Variants in PKD2L2 observed in about 807,000 individuals in gnomAD.
PKD2L2 encodes polycystin 2 like 2, transient receptor potential cation channel, also known as polycystin-2-like protein 2.
A neutral mutation model predicts 83.9 loss-of-function variants in PKD2L2; 67 were observed. The ratio of observed to expected loss-of-function variants is 0.80; its 90% CI spans 0.66 to 0.98. The LOEUF (loss-of-function observed/expected upper bound fraction) is 0.98. Among genes scored for constraint, PKD2L2 ranks in the 50% least tolerant of loss-of-function variants. The pLI is 0.00. For synonymous variants in PKD2L2, 223 were observed against 237.8 expected (o/e 0.94, Z 0.57); for missense variants, 632 against 717.2 (o/e 0.88, Z 1.36).
chr5:137,921,582 T>G (rs201818315), intron 8 of PKD2L2, 54 bp from the exon 9 acceptor site: 57 of 1,122,290 alleles, frequency 5.1e-5, no homozygotes, highest in Admixed American at 6.1e-5. Flanking sequence ...CTCCCATCAG[T>G]TGTCATGTAT....
intron 14 of PKD2L2, chr5:137,940,199 T>C: frequency 6.2e-7 from 1 of 1,613,912 alleles, no homozygotes; most frequent in Admixed American, 1.7e-5. Context: ...ACTGACTTTA[T>C]GATATGAATT....
intron 8 of PKD2L2, among the ~76,000 whole-genome samples, chr5:137,918,706 T>C (rs1324943996): frequency 3.9e-5 from 6 of 152,212 alleles, no homozygotes; most frequent in African/African-American, 1.4e-4. Context: ...AGCCTTTCCC[T>C]GGAAGTTGCA....
chr5:137,910,249 TA>T (rs34025103), intron 8 of PKD2L2, among the ~76,000 whole-genome samples: 1 of 136,674 alleles, frequency 7.3e-6, no homozygotes, highest in Non-Finnish European at 1.6e-5. Context: ...ATAATAATAA[TA>T]ATAATAATAA....
chr5:137,922,159 T>C (rs6891280), intron 9 of PKD2L2, among the ~76,000 whole-genome samples: 35,028 of 152,184 alleles, frequency 0.23, 4,236 homozygotes, highest in African/African-American at 0.29. Flanking sequence ...ATCTCTCACA[T>C]GCACTCAGAA....
intron 1 of PKD2L2, chr5:137,890,115 TCTACTA>T (rs1755821827): frequency 5.9e-6 from 1 of 168,656 alleles, no homozygotes; most frequent in Non-Finnish European, 1.3e-5. Context: ...AAACCCCATC[TCTACTA>T]AAAATACGAA....
chr5:137,889,657 G>T (rs973454581), intron 1 of PKD2L2, 135 bp downstream of exon 1: 1 of 703,498 alleles, frequency 1.4e-6, no homozygotes, highest in East Asian at 3.4e-5. Context: ...AGCCTCCCCT[G>T]GGGAAGCGGA....
At position 137,942,362 on chromosome 5, in the gene PKD2L2, ATTTG is replaced by A. The variant is rs1561724278; in HGVS notation, c.*18-14_*18-11del. On this transcript the variant is annotated intron_variant, in intron 14 of 14. Transcript: ENST00000508883. Reference sequence around the variant, plus strand: ...TGTTATAAATCAACTGTAGGATTTTATTTGTTTGTTTCCTTTTTTAGAGACAGAG... The same window carrying A: ...TGTTATAAATCAACTGTAGGATTTTATTTGTTTCCTTTTTTAGAGACAGAG... The A allele has an allele frequency of 2.4e-5, 7 of 288,072 alleles. No homozygotes were observed. In the East Asian group the frequency reaches 3.4e-4, roughly 14 times the overall value. The allele number at this position is 288,072 out of a possible 1,614,324, so 17.8% of individuals were successfully genotyped here.
rs111846240 is a variant in PKD2L2, at chr5:137,891,003, T to C, written c.133+421T>C. ...TCTTGGTGTCTGCCATTAGCTTGGT[T>C]CTTTTCACTGACCTATTGCAGTTAA... On this transcript the variant is annotated intron_variant, in intron 2 of 14. Transcript: ENST00000508883. Among the ~76,000 whole-genome samples the C allele has an allele frequency of 2.5e-4, 38 of 152,356 alleles. 2 individuals are homozygous for C. The highest frequency in any genetic ancestry group is 8.4e-4 in the African/African-American group (35 of 41,594).
chr5:137,897,113 CAGTGA>C (rs879490060), intron 4 of PKD2L2, among the ~76,000 whole-genome samples: 2 of 150,294 alleles, frequency 1.3e-5, no homozygotes, highest in Non-Finnish European at 3.0e-5. Context: ...AGCTGGAGTT[CAGTGA>C]AGATCATAGC....
chr5:137,935,443 T>G (rs1275199706), intron 12 of PKD2L2, among the ~76,000 whole-genome samples: 1 of 152,234 alleles, frequency 6.6e-6, no homozygotes, highest in African/African-American at 2.4e-5. Flanking sequence ...AATTACTAGT[T>G]ACATTTGCTA....
chr5:137,900,081 C>T (rs1430102608), intron 5 of PKD2L2, among the ~76,000 whole-genome samples: 1 of 152,146 alleles, frequency 6.6e-6, no homozygotes, highest in Non-Finnish European at 1.5e-5. Context: ...AAAACTTATG[C>T]ACATAAACAT....
chr5:137,936,301 T>C lies in PKD2L2; in HGVS notation c.1785-19T>C. The C allele has an allele frequency of 6.6e-7, 1 of 1,523,890 alleles. No homozygotes were observed. The highest frequency in any genetic ancestry group is 1.8e-4 in the Middle Eastern group (1 of 5,652). The allele number at this position is 1,523,890 out of a possible 1,614,324, so 94.4% of individuals were successfully genotyped here. A position where few individuals can be genotyped will look rare whatever the true frequency, so the allele number is the denominator to read the frequency against. On this transcript the variant is annotated intron_variant, in intron 13 of 14. Transcript: ENST00000508883. ...AGTTTATTACTGACTCATTCTCTAC[T>C]TCCTTCGAAATTTTCTAGACTTTTT...
In PKD2L2 at chr5:137,924,995, G is replaced by T. The variant is rs755588740; in HGVS notation, c.1552-45G>T. 30 of 1,058,160 alleles carry T rather than the reference G, an allele frequency of 2.8e-5. No individual in the cohort carries two copies. In the South Asian group the frequency reaches 3.8e-4, roughly 13 times the overall value. 65.5% of individuals were successfully genotyped at this position (1,058,160 alleles called of 1,614,324 possible). A position where few individuals can be genotyped will look rare whatever the true frequency, so the allele number is the denominator to read the frequency against. On this transcript the variant is annotated intron_variant, in intron 10 of 14. Coordinates refer to ENST00000508883, the MANE Select transcript of PKD2L2 (RefSeq NM_001300921.2). ...ACTTTGATAAAACATTAATAATCAA[G>T]GATATATTTTAATGCATTTTCAAAC...
intron 12 of PKD2L2, among the ~76,000 whole-genome samples, chr5:137,933,776 A>G (rs772957575): frequency 2.6e-5 from 4 of 152,216 alleles, no homozygotes; most frequent in Non-Finnish European, 5.9e-5. Flanking sequence ...CCTTGGGCAC[A>G]GTCTGCTCTG....
intron 5 of PKD2L2, among the ~76,000 whole-genome samples, chr5:137,902,315 T>C (rs1757028016): frequency 6.6e-6 from 1 of 152,062 alleles, no homozygotes; most frequent in African/African-American, 2.4e-5. Flanking sequence ...TCAGAAAAAT[T>C]ACTATGTAAA....
At chr5:137,930,299 A>G (rs975091195) in intron 12 of PKD2L2, among the ~76,000 whole-genome samples, 5 of 152,196 alleles carry the variant, frequency 3.3e-5, no homozygotes, top group South Asian at 2.1e-4. Context: ...CATAATAAAA[A>G]TGTTAGTAAC....
intron 4 of PKD2L2, among the ~76,000 whole-genome samples, chr5:137,896,156 A>C (rs1756450040): frequency 6.6e-6 from 1 of 151,880 alleles, no homozygotes; most frequent in Non-Finnish European, 1.5e-5. Flanking sequence ...CAGCCTGGGC[A>C]ATAAAGAGCA....
chr5:137,901,012 T>C (rs1005520842), intron 5 of PKD2L2, among the ~76,000 whole-genome samples: 1 of 151,952 alleles, frequency 6.6e-6, no homozygotes. Flanking sequence ...TGGCACAGCC[T>C]GTAATCCCAG....
chr5:137,928,545 C>A (rs1759573314), intron 12 of PKD2L2, among the ~76,000 whole-genome samples: 1 of 152,230 alleles, frequency 6.6e-6, no homozygotes, highest in Admixed American at 6.5e-5. Context: ...GATCCTCCCA[C>A]CTCAGCTTCC....
Sources: allele counts gnomAD v4.1 joint callset (sites outside exome capture counted in the v4.1 genomes callset), GRCh38; gene constraint gnomAD v4.1.1; transcripts MANE v1.5; gene names NCBI Gene and HGNC (gene_info 2026-07-23, HGNC 2026-07-21).